The following CPT1C variants were observed in gnomAD, a reference collection of about 807,000 sequenced individuals.
CPT1C encodes the protein carnitine palmitoyltransferase 1C.
A neutral mutation model predicts 97.3 loss-of-function variants in CPT1C; 61 were observed. The observed-to-expected ratio is 0.63, with a 90% CI of 0.51 to 0.78. The LOEUF (loss-of-function observed/expected upper bound fraction) is 0.78, where lower values mean the gene tolerates loss of function less well. Among genes scored for constraint, CPT1C ranks in the 30% least tolerant of loss-of-function variants. The pLI, the probability that CPT1C is intolerant of heterozygous loss-of-function variation, is 0.00. For synonymous variants in CPT1C, 469 were observed against 447.2 expected (o/e 1.05, Z -0.61); for missense variants, 975 against 1,065.5 (o/e 0.92, Z 1.18).
Position 49,711,816 on chromosome 19 carries a change from A to G in CPT1C, c.1874A>G (p.Gln625Arg). The G allele has an allele frequency of 6.2e-7, 1 of 1,611,204 alleles. No individual in the cohort carries two copies. Among genetic ancestry groups the G allele is most frequent in the Non-Finnish European group, 8.5e-7 (1 of 1,179,134 alleles). ...CCTCCCTGGGGACTGCAGGACCCAC[A>G]GTGCCTCGCCCTGTTCCGCGTGGCA... is the stretch of plus-strand genomic sequence containing the variant. ...AMEDKEKTDP[Q>R]CLALFRVAVD... is the part of the protein sequence containing the mutation. Residue 625 changes from glutamine (Q) to arginine (R), a missense_variant, in exon 17 of 20, where the codon CAG (glutamine) becomes CGG (arginine). Gln to Arg is a conservative substitution (Grantham distance 43). Around this residue, in one of 3 missense-constraint regions of CPT1C, gnomAD observed 344 missense variants for 395.7 expected, o/e 0.87. Coordinates refer to ENST00000598293, the MANE Select transcript of CPT1C (RefSeq NM_001199753.2).
At chr19:49,711,716 T>C (rs889860673) in intron 16 of CPT1C, 93 bp from the exon 17 acceptor site, 8 of 1,325,800 alleles carry the variant, frequency 6.0e-6, no homozygotes, top group Non-Finnish European at 8.3e-6. Flanking sequence ...TGCAGGGATG[T>C]GGCAAACTCA....
In CPT1C at chr19:49,710,431, C is replaced by T; in HGVS notation, c.1678C>T (p.His560Tyr). ...TGGCAAGAGCTTCATCCGACGCTGC[C>T]ACCTCTCTTCAGACAGCTTCATCCA... ...LFGKSFIRRC[H>Y]LSSDSFIQIA... Residue 560 changes from histidine to tyrosine, a missense_variant, in exon 15 of 20, where the codon CAC (histidine) becomes TAC (tyrosine). By Grantham distance (83) the His-to-Tyr change is moderately conservative. Around this residue, in one of 3 missense-constraint regions of CPT1C, gnomAD observed 344 missense variants for 395.7 expected, o/e 0.87. Coordinates refer to ENST00000598293, the MANE Select transcript of CPT1C (RefSeq NM_001199753.2). 1 of 1,614,186 alleles carries T rather than the reference C, an allele frequency of 6.2e-7. No homozygotes were observed. The highest frequency in any genetic ancestry group is 1.1e-5 in the South Asian group (1 of 91,086).
intron 3 of CPT1C, among the ~76,000 whole-genome samples, chr19:49,693,334 A>C (rs1219458884): frequency 6.6e-6 from 1 of 152,036 alleles, no homozygotes; most frequent in Non-Finnish European, 1.5e-5. Context: ...GGGGTCTGGA[A>C]CACCTGTGGG....
At position 49,691,311 on chromosome 19, in the gene CPT1C, A is replaced by G. The variant is rs1439435914; in HGVS notation, c.-113A>G. ...GGTGGACTCGGGTTTGGACCCCAGG[A>G]TCCGATCAGCGGACCCTTGATTCAA... On this transcript the variant is annotated 5_prime_UTR_variant, in exon 1 of 20. Coordinates refer to ENST00000598293, the MANE Select transcript of CPT1C (RefSeq NM_001199753.2). 1 of 152,046 alleles carries G rather than the reference A, an allele frequency of 6.6e-6. No individual in the cohort carries two copies. The highest frequency in any genetic ancestry group is 1.5e-5 in the Non-Finnish European group (1 of 68,050). The allele number at this position is 152,046 out of a possible 1,614,324, so 9.4% of individuals were successfully genotyped here.
At chr19:49,711,642 C>T in intron 16 of CPT1C, 167 bp from the exon 17 acceptor site, 2 of 732,382 alleles carry the variant, frequency 2.7e-6, no homozygotes, top group Non-Finnish European at 4.3e-6. Context: ...TGAACCTGGC[C>T]AAATGATTTC....
intron 4 of CPT1C, among the ~76,000 whole-genome samples, chr19:49,698,545 C>A (rs1384915556): frequency 6.6e-6 from 1 of 151,690 alleles, no homozygotes; most frequent in Non-Finnish European, 1.5e-5. Context: ...CGCCTGTAGT[C>A]CCAGCTACTC....
In CPT1C at chr19:49,702,130, TATAA is replaced by T. The variant is rs1304270234; in HGVS notation, c.693+504_693+507del. Among the ~76,000 whole-genome samples the T allele has an allele frequency of 9.9e-4, 74 of 74,788 alleles. 10 individuals are homozygous for T. Among genetic ancestry groups the T allele is most frequent in the Non-Finnish European group, 1.6e-3 (58 of 36,498 alleles). 49.1% of individuals were successfully genotyped at this position (74,788 alleles called of 152,430 possible). A position where few individuals can be genotyped will look rare whatever the true frequency, so the allele number is the denominator to read the frequency against. ...AATATATATTTATTTATTTATAAAT[TATAA>T]ATAAATATATATTTATTTATAAATT... On this transcript the variant is annotated intron_variant, in intron 7 of 19. Coordinates refer to ENST00000598293, the MANE Select transcript of CPT1C (RefSeq NM_001199753.2).
intron 19 of CPT1C, 113 bp from the exon 20 acceptor site, chr19:49,713,307 C>T (rs2084041414): frequency 2.9e-6 from 3 of 1,043,104 alleles, no homozygotes; most frequent in Non-Finnish European, 4.2e-6. Flanking sequence ...GGAGTCCAGG[C>T]CCCAGCTCCT....
At position 49,697,404 on chromosome 19, in the gene CPT1C, T is replaced by G. The variant is rs1378865975; in HGVS notation, c.220T>G (p.Phe74Val). The change falls in exon 4 of 20, where the codon TTC becomes GTC. Residue 74 changes from phenylalanine (F) to valine (V), a missense_variant. Around this residue, in one of 3 missense-constraint regions of CPT1C, gnomAD observed 596 missense variants for 603.1 expected, o/e 0.99. Coordinates refer to ENST00000598293, the MANE Select transcript of CPT1C (RefSeq NM_001199753.2). ...FLFSAIQLAW[F>V]LQLDPSLGLM... ...CTTCAGTGCCATCCAGCTTGCCTGG[T>G]TCCTCCAGCTGGATCCTTCCTTAGG... 3 of 1,614,148 alleles carry G rather than the reference T, an allele frequency of 1.9e-6. No homozygotes were observed. The South Asian group carries it at 3.3e-5, about 18-fold the overall frequency.
Position 49,707,682 on chromosome 19 carries a change from C to T in CPT1C, c.1449+59C>T, listed in dbSNP as rs368398676. On this transcript the variant is annotated intron_variant, in intron 13 of 19. Coordinates refer to ENST00000598293, the MANE Select transcript of CPT1C (RefSeq NM_001199753.2). ...CCCTGCCCCATCTCCAAAGACCGTC[C>T]TCTCCAGCGCCTTAGTGTCAGAAGA... 9.8e-6 allele frequency: 11 copies of T among 1,125,104 alleles called. No individual in the cohort carries two copies. In the East Asian group the frequency reaches 9.8e-5, roughly 10 times the overall value. The allele number at this position is 1,125,104 out of a possible 1,614,324, so 69.7% of individuals were successfully genotyped here.
chr19:49,701,952 A>ATATAT (rs2083115556), intron 7 of CPT1C, among the ~76,000 whole-genome samples: 2 of 86,648 alleles, frequency 2.3e-5, no homozygotes, highest in East Asian at 5.0e-4. Flanking sequence ...ATTTATATAT[A>ATATAT]AATATATTTA....
chr19:49,703,891 C>A (rs1015381517), intron 7 of CPT1C, among the ~76,000 whole-genome samples: 3 of 151,956 alleles, frequency 2.0e-5, no homozygotes, highest in Non-Finnish European at 4.4e-5. Context: ...CCTCAGCCTC[C>A]CAAAATGCTG....
At chr19:49,712,679 C>T in intron 17 of CPT1C, 57 bp from the exon 18 acceptor site, 1 of 1,317,572 alleles carries the variant, frequency 7.6e-7, no homozygotes, top group Non-Finnish European at 1.1e-6. Flanking sequence ...TGAAGTGGAG[C>T]CAAGGGCCGG....
At chr19:49,702,266 G>T (rs1227484304) in intron 7 of CPT1C, among the ~76,000 whole-genome samples, 2 of 145,586 alleles carry the variant, frequency 1.4e-5, no homozygotes, top group African/African-American at 5.1e-5. Context: ...GAAGTTTGGG[G>T]TATAGATGCT....
chr19:49,707,077 C>A lies in CPT1C; in HGVS notation c.1344-441C>A, dbSNP rs187645733. ...ATCACCTGAGATCAGGAGTTTGAGA[C>A]CAGCCTGGCCAATATGGTGAAACCT... On this transcript the variant is annotated intron_variant, in intron 12 of 19. Transcript: ENST00000598293. Among the ~76,000 whole-genome samples, 134 of 152,220 alleles carry A rather than the reference C, an allele frequency of 8.8e-4. 1 individual carries two copies. The highest frequency in any genetic ancestry group is 1.4e-3 in the Admixed American group (22 of 15,278).
rs757277838 is a variant in CPT1C at position 49,692,291 on chromosome 19, G to A, written c.39G>A (p.Ser13=). Residue 13 remains serine (S), a synonymous_variant, in exon 3 of 20, where the codon TCG becomes TCA. Transcript: ENST00000598293. Reference sequence around the variant, plus strand: ...ACCAGGCCGTGGGCTTCCGACCCTCGCTGACCTCGGACGGGGCTGAAGTGG... The same window carrying A: ...ACCAGGCCGTGGGCTTCCGACCCTCACTGACCTCGGACGGGGCTGAAGTGG... The part of the protein sequence containing the change: ...EAHQAVGFRP[S]LTSDGAEVEL... The A allele has an allele frequency of 4.3e-6, 7 of 1,613,928 alleles. No homozygotes were observed. The Admixed American group carries it at 1.0e-4, about 23-fold the overall frequency.
intron 14 of CPT1C, among the ~76,000 whole-genome samples, chr19:49,710,104 TC>T (rs1305420890): frequency 1.3e-5 from 2 of 152,186 alleles, no homozygotes; most frequent in African/African-American, 4.8e-5. Context: ...CGCCTCGGCC[TC>T]CCAAAGTGCT....
chr19:49,710,116 G>A (rs1479195642), intron 14 of CPT1C, among the ~76,000 whole-genome samples: 1 of 152,146 alleles, frequency 6.6e-6, no homozygotes, highest in Non-Finnish European at 1.5e-5. Context: ...CCAAAGTGCT[G>A]GGATTACAGG....
chr19:49,712,065 G>T, intron 17 of CPT1C, 104 bp downstream of exon 17: 1 of 1,382,000 alleles, frequency 7.2e-7, no homozygotes, highest in Non-Finnish European at 9.8e-7. Flanking sequence ...CATCAAGGCC[G>T]GGCACGGTGG....
Sources: allele counts gnomAD v4.1 joint callset (sites outside exome capture counted in the v4.1 genomes callset), GRCh38; gene constraint gnomAD v4.1.1; regional missense constraint gnomAD v4.1.1; transcripts MANE v1.5; gene names NCBI Gene and HGNC (gene_info 2026-07-23, HGNC 2026-07-21).